The following XRCC5 variants were observed in gnomAD, a reference collection of about 807,000 sequenced individuals.
XRCC5 encodes the protein DNA repair protein Ku80.
In XRCC5, 12 loss-of-function variants were observed where a neutral mutation model predicts 95.7. The ratio of observed to expected loss-of-function variants is 0.13; its 90% CI spans 0.08 to 0.20. XRCC5 has a LOEUF of 0.20. Ranked by LOEUF, XRCC5 falls within the 10% of genes least tolerant of loss-of-function variation. XRCC5 has a pLI of 1.00. For synonymous variants in XRCC5, 281 were observed against 290.3 expected (o/e 0.97, Z 0.33); for missense variants, 595 against 873.9 (o/e 0.68, Z 4.02).
At chr2:216,153,681 C>T (rs1688790737) in intron 14 of XRCC5, among the ~76,000 whole-genome samples, 1 of 152,122 alleles carries the variant, frequency 6.6e-6, no homozygotes, top group Admixed American at 6.5e-5. Flanking sequence ...AGAAACTTGC[C>T]CAAGATTGTA....
chr2:216,134,542 C>T (rs1193628502), intron 10 of XRCC5, among the ~76,000 whole-genome samples: 1 of 151,102 alleles, frequency 6.6e-6, no homozygotes, highest in Non-Finnish European at 1.5e-5. Context: ...ATTCTCCTGT[C>T]TCAGCCTCCC....
At chr2:216,183,509 A>G (rs76940339) in intron 16 of XRCC5, among the ~76,000 whole-genome samples, 2,130 of 152,296 alleles carry the variant, frequency 0.014, 45 homozygotes, top group African/African-American at 0.049. Flanking sequence ...ATTGGTAAGA[A>G]TAATAATAAT....
intron 11 of XRCC5, 24 bp downstream of exon 11, chr2:216,137,249 A>AT (rs541852653): frequency 1.6e-4 from 254 of 1,595,052 alleles, no homozygotes; most frequent in Non-Finnish European, 2.0e-4. Flanking sequence ...TCTTAATGTT[A>AT]TTTTTTTTCT....
intron 14 of XRCC5, among the ~76,000 whole-genome samples, chr2:216,159,262 G>C (rs889331560): frequency 6.6e-6 from 1 of 152,032 alleles, no homozygotes; most frequent in African/African-American, 2.4e-5. Flanking sequence ...ATTTCTTTAT[G>C]TTCAGCAGCT....
At chr2:216,118,717 T>A (rs894406995) in intron 4 of XRCC5, among the ~76,000 whole-genome samples, 2 of 152,176 alleles carry the variant, frequency 1.3e-5, no homozygotes, top group African/African-American at 4.8e-5. Flanking sequence ...AAGGCTGAAG[T>A]TAGAGTATGC....
At chr2:216,124,911 T>C (rs1359035165) in intron 6 of XRCC5, among the ~76,000 whole-genome samples, 1 of 152,242 alleles carries the variant, frequency 6.6e-6, no homozygotes, top group Non-Finnish European at 1.5e-5. Context: ...ATTTTCACTT[T>C]TGTTTAAATG....
intron 13 of XRCC5, among the ~76,000 whole-genome samples, chr2:216,143,804 T>A (rs1172031432): frequency 6.6e-6 from 1 of 152,022 alleles, no homozygotes; most frequent in Non-Finnish European, 1.5e-5. Context: ...GTCTCCTGGT[T>A]CACACCATTC....
intron 16 of XRCC5, among the ~76,000 whole-genome samples, chr2:216,168,172 T>C (rs1689089934): frequency 6.6e-6 from 1 of 152,200 alleles, no homozygotes; most frequent in Admixed American, 6.5e-5. Flanking sequence ...TTTAAGGTGT[T>C]GTTCATCTTT....
At chr2:216,178,700 A>G (rs978347685) in intron 16 of XRCC5, among the ~76,000 whole-genome samples, 2 of 152,170 alleles carry the variant, frequency 1.3e-5, no homozygotes, top group Admixed American at 6.5e-5. Flanking sequence ...TTCTTTCTGC[A>G]TTTCCCCCTT....
At position 216,181,041 on chromosome 2, in the gene XRCC5, G is replaced by A. The variant is rs187790586; in HGVS notation, c.1835-9184G>A. ...TTGGTCAGGCTGGTCTCGAACTCCC[G>A]ACCTCAGATCATCCACCCGCCTCGG... On this transcript the variant is annotated intron_variant, in intron 16 of 20. Coordinates refer to ENST00000392132, the MANE Select transcript of XRCC5 (RefSeq NM_021141.4). Among the ~76,000 whole-genome samples the A allele has an allele frequency of 1.5e-3, 233 of 152,056 alleles. 1 individual carries two copies. The highest frequency in any genetic ancestry group is 3.1e-3 in the South Asian group (15 of 4,814).
At chr2:216,112,485 T>C (rs1274409738) in intron 1 of XRCC5, among the ~76,000 whole-genome samples, 1 of 152,234 alleles carries the variant, frequency 6.6e-6, no homozygotes, top group Non-Finnish European at 1.5e-5. Context: ...GTGTCTTTAT[T>C]TTAGATCATC....
Position 216,180,929 on chromosome 2 carries a change from C to T in XRCC5, c.1835-9296C>T, listed in dbSNP as rs373763738. 2.0e-5 allele frequency among the ~76,000 whole-genome samples: 3 copies of T among 151,714 alleles called. No individual in the cohort carries two copies. The South Asian group carries it at 6.3e-4, about 32-fold the overall frequency. ...CCAGGTTCAAACAATTCTCCTGTCT[C>T]AGCCTTCCTGAGTAGCTGGGATTAC... On this transcript the variant is annotated intron_variant, in intron 16 of 20. Transcript: ENST00000392132.
intron 3 of XRCC5, 78 bp from the exon 4 acceptor site, chr2:216,117,668 C>T (rs760183909): frequency 2.6e-5 from 38 of 1,460,598 alleles, no homozygotes; most frequent in Non-Finnish European, 3.0e-5. Flanking sequence ...ATTTCCAGCA[C>T]GGTGGACTTC....
At chr2:216,187,861 T>A in intron 16 of XRCC5, among the ~76,000 whole-genome samples, 1 of 116,286 alleles carries the variant, frequency 8.6e-6, no homozygotes, top group African/African-American at 4.2e-5. Context: ...TCTCTCTCTC[T>A]CCCCGTCTCC....
At chr2:216,169,911 C>T (rs1252950168) in intron 16 of XRCC5, among the ~76,000 whole-genome samples, 1 of 150,784 alleles carries the variant, frequency 6.6e-6, no homozygotes, top group Non-Finnish European at 1.5e-5. Flanking sequence ...TGGTGGTGCG[C>T]ACCTGTAGTC....
chr2:216,140,869 G>C (rs962298425), intron 12 of XRCC5, among the ~76,000 whole-genome samples: 3 of 152,038 alleles, frequency 2.0e-5, no homozygotes, highest in African/African-American at 7.3e-5. Context: ...TTTTGTTCCA[G>C]TCTCCTTATA....
At chr2:216,170,253 A>G (rs1464946731) in intron 16 of XRCC5, among the ~76,000 whole-genome samples, 1 of 152,106 alleles carries the variant, frequency 6.6e-6, no homozygotes, top group Non-Finnish European at 1.5e-5. Flanking sequence ...AATATATGAC[A>G]GTGTTCCTGT....
At chr2:216,184,748 T>C (rs1401393854) in intron 16 of XRCC5, among the ~76,000 whole-genome samples, 1 of 152,254 alleles carries the variant, frequency 6.6e-6, no homozygotes, top group Non-Finnish European at 1.5e-5. Flanking sequence ...CCCAAAGTGC[T>C]GTGATTACAG....
At chr2:216,197,176 T>G (rs765275262) in intron 19 of XRCC5, among the ~76,000 whole-genome samples, 6 of 152,164 alleles carry the variant, frequency 3.9e-5, no homozygotes, top group Non-Finnish European at 8.8e-5. Context: ...GCAAATAGGA[T>G]GTCTTCTTTG....
Sources: allele counts gnomAD v4.1 joint callset (sites outside exome capture counted in the v4.1 genomes callset), GRCh38; gene constraint gnomAD v4.1.1; transcripts MANE v1.5; gene names NCBI Gene and HGNC (gene_info 2026-07-23, HGNC 2026-07-21).